Variants in PDZRN3 observed in about 807,000 individuals in gnomAD.
PDZRN3 encodes E3 ubiquitin-protein ligase PDZRN3.
PDZRN3 carries 38 observed loss-of-function variants against 85.7 expected under a neutral mutation model. The ratio of observed to expected loss-of-function variants is 0.44; its 90% confidence interval spans 0.34 to 0.58. PDZRN3 has a LOEUF of 0.58. Ranked by LOEUF, PDZRN3 falls within the 20% of genes least tolerant of loss-of-function variation. The probability of loss-of-function intolerance (pLI) is 0.01; values close to 1 mark genes in which losing one functional copy is unlikely to be tolerated. For missense variants in PDZRN3, 1,629 were observed against 1,506.4 expected (o/e 1.08, Z -1.35); for synonymous variants, 759 against 638.0 (o/e 1.19, Z -2.86).
intron 3 of PDZRN3, among the ~76,000 whole-genome samples, chr3:73,525,261 A>G (rs1394420804): frequency 1.3e-5 from 2 of 152,108 alleles, no homozygotes; most frequent in Non-Finnish European, 2.9e-5. Flanking sequence ...CCTTGCTCAT[A>G]GTTATAATTT....
At chr3:73,595,471 T>C (rs4677312) in intron 3 of PDZRN3, among the ~76,000 whole-genome samples, 105,368 of 151,996 alleles carry the variant, frequency 0.69, 37,143 homozygotes, top group African/African-American at 0.83. Context: ...CATATCTGTG[T>C]GTGTTTAGCA....
chr3:73,617,052 T>C lies in PDZRN3; in HGVS notation c.723+7051A>G, dbSNP rs375068150. ...ATCTGATGGGACTTCATCCCTCACC[T>C]ATCCAAACACAGCAAAGACACGGGG... On this transcript the variant is annotated intron_variant, in intron 1 of 9. Coordinates refer to ENST00000263666, the MANE Select transcript of PDZRN3 (RefSeq NM_015009.3). Among the ~76,000 whole-genome samples, 51 of 152,276 alleles carry C rather than the reference T, an allele frequency of 3.3e-4. No individual in the cohort carries two copies. In the South Asian group the frequency reaches 0.01, roughly 30 times the overall value.
intron 5 of PDZRN3, among the ~76,000 whole-genome samples, chr3:73,394,050 CTTT>C (rs201360768): frequency 6.7e-6 from 1 of 148,760 alleles, no homozygotes; most frequent in Non-Finnish European, 1.5e-5. Context: ...ATCTTTATGA[CTTT>C]TTTTTTTAAT....
At chr3:73,390,635 A>ATGTGTGTGTGTGTG (rs746695153) in intron 6 of PDZRN3, among the ~76,000 whole-genome samples, 1 of 139,378 alleles carries the variant, frequency 7.2e-6, no homozygotes, top group Non-Finnish European at 1.5e-5. Flanking sequence ...AGAAAAAAAA[A>ATGTGTGTGTGTGTG]TGTGTGTGTG....
chr3:73,441,730 A>G (rs1260777412), intron 3 of PDZRN3, among the ~76,000 whole-genome samples: 2 of 152,202 alleles, frequency 1.3e-5, no homozygotes, highest in Admixed American at 1.3e-4. Context: ...AGGAATGCTG[A>G]GGCGGGCAAA....
At position 73,526,889 on chromosome 3, in the gene PDZRN3, C is replaced by T. The variant is rs147772334; in HGVS notation, c.918+75465G>A. Among the ~76,000 whole-genome samples, 830 of 152,152 alleles carry T rather than the reference C, an allele frequency of 5.5e-3. 9 individuals are homozygous for T. The highest frequency in any genetic ancestry group is 0.019 in the African/African-American group (799 of 41,518). On this transcript the variant is annotated intron_variant, in intron 3 of 9. Transcript: ENST00000263666. ...TTGAGTTGGAGTTTTGTTCTTGTCG[C>T]CCAGGGTGGAGTGCAATGGCATGAT...
chr3:73,456,561 A>C (rs1365236407), intron 3 of PDZRN3, among the ~76,000 whole-genome samples: 1 of 152,224 alleles, frequency 6.6e-6, no homozygotes, highest in Non-Finnish European at 1.5e-5. Context: ...ACCATTTCCA[A>C]ATTTGAAGCC....
chr3:73,612,932 G>A (rs1375432054), intron 1 of PDZRN3, among the ~76,000 whole-genome samples: 1 of 152,190 alleles, frequency 6.6e-6, no homozygotes, highest in Non-Finnish European at 1.5e-5. Context: ...AAGGCACAGT[G>A]TTAAGCTGGA....
intron 3 of PDZRN3, among the ~76,000 whole-genome samples, chr3:73,476,031 A>G (rs1486579435): frequency 6.6e-6 from 1 of 152,226 alleles, no homozygotes; most frequent in Non-Finnish European, 1.5e-5. Context: ...TGGTTTTGGA[A>G]TGTGATTTAA....
chr3:73,477,084 T>G (rs1395835394), intron 3 of PDZRN3, among the ~76,000 whole-genome samples: 1 of 152,238 alleles, frequency 6.6e-6, no homozygotes, highest in African/African-American at 2.4e-5. Flanking sequence ...TTTCATGAAC[T>G]ATCTTGCTTA....
At position 73,624,379 on chromosome 3, in the gene PDZRN3, G is replaced by A. The variant is rs761525229; in HGVS notation, c.447C>T (p.Pro149=). 34 of 1,314,864 alleles carry A rather than the reference G, an allele frequency of 2.6e-5. No homozygotes were observed. The highest frequency in any genetic ancestry group is 3.3e-5 in the Non-Finnish European group (34 of 1,038,566). 81.4% of individuals were successfully genotyped at this position (1,314,864 alleles called of 1,614,324 possible). A position where few individuals can be genotyped will look rare whatever the true frequency, so the allele number is the denominator to read the frequency against. The part of the protein sequence containing the change: ...VGRCQEGCGL[P]LTHGEQRAGG... ...CCGCGCGCTGCTCGCCGTGCGTCAAGGGTAGCCCGCAGCCCTCCTGGCAGC... is the reference window on the plus strand; with the variant it reads ...CCGCGCGCTGCTCGCCGTGCGTCAAAGGTAGCCCGCAGCCCTCCTGGCAGC... Residue 149 remains proline, a synonymous_variant, in exon 1 of 10, where the codon CCC becomes CCT. Coordinates refer to ENST00000263666, the MANE Select transcript of PDZRN3 (RefSeq NM_015009.3).
chr3:73,561,388 A>G (rs1448608132), intron 3 of PDZRN3: 1 of 152,188 alleles, frequency 6.6e-6, no homozygotes, highest in African/African-American at 2.4e-5. Context: ...AGTGGCTACA[A>G]TGAAATGAGC....
chr3:73,407,143 G>A (rs561791788), intron 3 of PDZRN3, among the ~76,000 whole-genome samples: 1 of 152,310 alleles, frequency 6.6e-6, no homozygotes, highest in South Asian at 2.1e-4. Flanking sequence ...CTGGCTGGTT[G>A]GATGGGATGA....
At chr3:73,409,265 T>C (rs1335081072) in intron 3 of PDZRN3, among the ~76,000 whole-genome samples, 2 of 152,186 alleles carry the variant, frequency 1.3e-5, no homozygotes, top group Non-Finnish European at 2.9e-5. Flanking sequence ...GACAGACAAT[T>C]ATGCTGAGGG....
chr3:73,456,135 T>C (rs761333531), intron 3 of PDZRN3, among the ~76,000 whole-genome samples: 4 of 152,222 alleles, frequency 2.6e-5, no homozygotes, highest in Non-Finnish European at 5.9e-5. Flanking sequence ...ACATTGTTCA[T>C]ATGGTCTACG....
At chr3:73,566,639 A>G (rs561422441) in intron 3 of PDZRN3, among the ~76,000 whole-genome samples, 4 of 152,260 alleles carry the variant, frequency 2.6e-5, no homozygotes, top group African/African-American at 7.2e-5. Context: ...GCCCTCAGAG[A>G]AAGTGCATAA....
At chr3:73,443,223 C>T (rs1049707196) in intron 3 of PDZRN3, among the ~76,000 whole-genome samples, 1 of 152,164 alleles carries the variant, frequency 6.6e-6, no homozygotes, top group East Asian at 1.9e-4. Flanking sequence ...CAAAACCCCC[C>T]CTACCCTCCT....
At chr3:73,607,353 C>A (rs1702616702) in intron 2 of PDZRN3, among the ~76,000 whole-genome samples, 1 of 152,206 alleles carries the variant, frequency 6.6e-6, no homozygotes, top group African/African-American at 2.4e-5. Flanking sequence ...GTCCTCTGAT[C>A]TAGCAAATTC....
At chr3:73,549,212 G>A (rs972696442) in intron 3 of PDZRN3, among the ~76,000 whole-genome samples, 1 of 152,208 alleles carries the variant, frequency 6.6e-6, no homozygotes, top group Non-Finnish European at 1.5e-5. Flanking sequence ...CTCTGTTCAT[G>A]AAGTCCAGGA....
Sources: allele counts gnomAD v4.1 joint callset (sites outside exome capture counted in the v4.1 genomes callset), GRCh38; gene constraint gnomAD v4.1.1; transcripts MANE v1.5; gene names NCBI Gene and HGNC (gene_info 2026-07-23, HGNC 2026-07-21).